Variants in CELF2 observed in about 807,000 individuals in gnomAD.
CELF2 encodes the protein CUG triplet repeat RNA-binding protein 2.
CELF2 carries 8 observed loss-of-function variants against 62.6 expected under a neutral mutation model. The observed-to-expected ratio is 0.13, with a 90% CI of 0.07 to 0.23. CELF2 has a LOEUF of 0.23. CELF2 is among the 10% of genes least tolerant of loss of function. The probability of loss-of-function intolerance (pLI) is 1.00; values close to 1 mark genes in which losing one functional copy is unlikely to be tolerated. For synonymous variants in CELF2, 258 were observed against 250.0 expected (o/e 1.03, Z -0.30); for missense variants, 333 against 671.0 (o/e 0.50, Z 5.56).
chr10:10,892,147 A>C (rs565986861), intron 1 of CELF2, among the ~76,000 whole-genome samples: 9 of 152,308 alleles, frequency 5.9e-5, no homozygotes, highest in Admixed American at 3.9e-4. Flanking sequence ...TTTGAGAGCA[A>C]GAAATAATTA....
chr10:11,042,664 C>A (rs2139575035), intron 1 of CELF2, among the ~76,000 whole-genome samples: 1 of 152,254 alleles, frequency 6.6e-6, no homozygotes, highest in Admixed American at 6.5e-5. Context: ...AAAAAAGAAA[C>A]CCCGTACCCT....
intron 1 of CELF2, among the ~76,000 whole-genome samples, chr10:10,856,218 T>A (rs1468103509): frequency 6.6e-6 from 1 of 152,182 alleles, no homozygotes; most frequent in Non-Finnish European, 1.5e-5. Flanking sequence ...AACTCTGTTA[T>A]TTAGATATTA....
the CELF2 span, among the ~76,000 whole-genome samples, chr10:10,506,474 T>G: frequency 6.6e-5 from 10 of 152,088 alleles, no homozygotes; most frequent in African/African-American, 1.9e-4. Context: ...CAAACTTCAC[T>G]GTCAAGAGAC....
chr10:10,560,680 A>C, the CELF2 span, among the ~76,000 whole-genome samples: 1 of 151,776 alleles, frequency 6.6e-6, no homozygotes, highest in Non-Finnish European at 1.5e-5. Context: ...ATCTACCCAG[A>C]GGGGAAAAAA....
At chr10:10,611,017 T>C in the CELF2 span, among the ~76,000 whole-genome samples, 2 of 152,118 alleles carry the variant, frequency 1.3e-5, no homozygotes, top group East Asian at 3.9e-4. Flanking sequence ...GGCTAATGAG[T>C]TTGGACGAGG....
At chr10:10,757,212 C>T in the CELF2 span, among the ~76,000 whole-genome samples, 3 of 152,120 alleles carry the variant, frequency 2.0e-5, no homozygotes, top group African/African-American at 7.2e-5. Flanking sequence ...AATCTCAGTA[C>T]TTTGGGAGGT....
At chr10:10,696,956 G>A in the CELF2 span, among the ~76,000 whole-genome samples, 4 of 152,194 alleles carry the variant, frequency 2.6e-5, no homozygotes, top group African/African-American at 4.8e-5. Context: ...CGTCGCTCAC[G>A]CTGGGAGCTG....
the CELF2 span, among the ~76,000 whole-genome samples, chr10:10,637,837 A>G: frequency 6.6e-6 from 1 of 152,206 alleles, no homozygotes; most frequent in Non-Finnish European, 1.5e-5. Context: ...CAGCTGCACT[A>G]AATTCCACAT....
the CELF2 span, among the ~76,000 whole-genome samples, chr10:10,702,518 C>G: frequency 2.8e-3 from 429 of 152,276 alleles, 2 homozygotes; most frequent in African/African-American, 9.9e-3. Context: ...AATAAACAAG[C>G]ATTTTAAGAA....
chr10:10,722,162 G>T, the CELF2 span, among the ~76,000 whole-genome samples: 1 of 151,792 alleles, frequency 6.6e-6, no homozygotes, highest in Non-Finnish European at 1.5e-5. Context: ...AAAGAGCCAG[G>T]CCTGGTGGCA....
intron 2 of CELF2, among the ~76,000 whole-genome samples, chr10:10,932,145 A>AT (rs533416878): frequency 6.6e-6 from 1 of 152,094 alleles, no homozygotes; most frequent in South Asian, 2.1e-4. Flanking sequence ...GAAATATATG[A>AT]GGTCCTATGG....
chr10:10,782,194 G>A, the CELF2 span, among the ~76,000 whole-genome samples: 1 of 152,202 alleles, frequency 6.6e-6, no homozygotes, highest in African/African-American at 2.4e-5. Context: ...ATGAGAAATT[G>A]GTTCATGCTA....
intron 2 of CELF2, among the ~76,000 whole-genome samples, chr10:11,169,710 A>G (rs603438): frequency 0.32 from 48,116 of 152,070 alleles, 8,325 homozygotes; most frequent in African/African-American, 0.46. Context: ...TCAGAGGCTG[A>G]TGCAGTGTGT....
the CELF2 span, among the ~76,000 whole-genome samples, chr10:10,642,229 C>T: frequency 6.6e-6 from 1 of 152,206 alleles, no homozygotes; most frequent in African/African-American, 2.4e-5. Flanking sequence ...CAAATTCTTC[C>T]CCACTTTACA....
intron 1 of CELF2, among the ~76,000 whole-genome samples, chr10:11,031,630 GT>G (rs1457032627): frequency 6.6e-6 from 1 of 152,176 alleles, no homozygotes; most frequent in East Asian, 1.9e-4. Flanking sequence ...TTTGAGTGGA[GT>G]TTTCATGCCC....
chr10:11,102,481 G>A (rs2142641508), intron 1 of CELF2, among the ~76,000 whole-genome samples: 1 of 152,174 alleles, frequency 6.6e-6, no homozygotes, highest in East Asian at 1.9e-4. Flanking sequence ...AAGTTACATG[G>A]CTCTAAAATT....
the CELF2 span, among the ~76,000 whole-genome samples, chr10:10,767,864 C>T: frequency 2.8e-5 from 4 of 140,938 alleles, no homozygotes; most frequent in Admixed American, 7.3e-5. Context: ...GGCGTGGTGG[C>T]GGGCGCCTGT....
At chr10:11,317,241 TAGAGA>T (rs1443600813) in intron 10 of CELF2, 2 of 152,014 alleles carry the variant, frequency 1.3e-5, no homozygotes, top group Non-Finnish European at 2.9e-5. Flanking sequence ...TTCTGTGAAG[TAGAGA>T]AAAGAGAAGA....
chr10:11,082,097 A>G (rs1322238228), intron 1 of CELF2, among the ~76,000 whole-genome samples: 3 of 152,120 alleles, frequency 2.0e-5, no homozygotes, highest in Non-Finnish European at 4.4e-5. Context: ...GTTTGGACCC[A>G]GAGTCCTGTG....
Sources: allele counts gnomAD v4.1 joint callset (sites outside exome capture counted in the v4.1 genomes callset), GRCh38; gene constraint gnomAD v4.1.1; transcripts MANE v1.5; gene names NCBI Gene and HGNC (gene_info 2026-07-23, HGNC 2026-07-21).